The following ARHGEF12 variants were observed in gnomAD, a reference collection of about 807,000 sequenced individuals.
ARHGEF12 encodes KMT2A/ARHGEF12 fusion protein.
In ARHGEF12, 66 loss-of-function variants were observed where a neutral mutation model predicts 211.2. That is an observed-to-expected ratio of 0.31 (90% CI 0.26 to 0.38). ARHGEF12 has a LOEUF of 0.38. Among genes scored for constraint, ARHGEF12 ranks in the 10% least tolerant of loss-of-function variants. The pLI, the probability that ARHGEF12 is intolerant of heterozygous loss-of-function variation, is 1.00. For missense variants in ARHGEF12, 1,429 were observed against 1,869.5 expected (o/e 0.76, Z 4.34); for synonymous variants, 592 against 638.4 (o/e 0.93, Z 1.09).
At chr11:120,351,424 TA>T (rs1942943390) in intron 1 of ARHGEF12, among the ~76,000 whole-genome samples, 1 of 7,052 alleles carries the variant, frequency 1.4e-4, no homozygotes, top group Non-Finnish European at 2.4e-4. Context: ...TATATATATA[TA>T]TATATATATA....
intron 1 of ARHGEF12, among the ~76,000 whole-genome samples, chr11:120,403,021 A>G (rs982527575): frequency 2.0e-5 from 3 of 152,182 alleles, no homozygotes; most frequent in African/African-American, 7.2e-5. Flanking sequence ...GGTAAGTGTT[A>G]TTTAACTACC....
Position 120,475,454 on chromosome 11 carries a change from C to T in ARHGEF12, c.3224C>T (p.Thr1075Met), listed in dbSNP as rs200879076. The stretch of plus-strand genomic sequence containing the variant: ...GCATCTACAGCTGATAGCAAACACA[C>T]GTTTAGCCCTGTCATTAAGTTGAGT... ...ILASTADSKH[T>M]FSPVIKLSTV... Residue 1075 changes from threonine to methionine, a missense_variant, in exon 33 of 41, where the codon ACG becomes ATG. By Grantham distance (81) the Thr-to-Met change is moderately conservative. Transcript: ENST00000397843. 3.1e-6 allele frequency: 5 copies of T among 1,614,128 alleles called. No homozygotes were observed. The highest frequency in any genetic ancestry group is 4.2e-6 in the Non-Finnish European group (5 of 1,180,012).
At chr11:120,472,247 A>T (rs1483383735) in intron 30 of ARHGEF12, among the ~76,000 whole-genome samples, 1 of 145,916 alleles carries the variant, frequency 6.9e-6, no homozygotes, top group Non-Finnish European at 1.6e-5. Flanking sequence ...TCTTGTTTTA[A>T]AAAAGGACAT....
intron 1 of ARHGEF12, among the ~76,000 whole-genome samples, chr11:120,384,302 T>C (rs796241155): frequency 1.7e-4 from 26 of 152,346 alleles, no homozygotes; most frequent in African/African-American, 6.0e-4. Context: ...AACCTTGAGC[T>C]ATAATTTATG....
At chr11:120,480,577 A>T in intron 38 of ARHGEF12, 147 bp downstream of exon 38, 1 of 838,886 alleles carries the variant, frequency 1.2e-6, no homozygotes, top group Non-Finnish European at 1.8e-6. Flanking sequence ...CATTTGATAA[A>T]TACTGAATCT....
At chr11:120,446,195 C>T (rs1382531805) in intron 16 of ARHGEF12, among the ~76,000 whole-genome samples, 2 of 97,888 alleles carry the variant, frequency 2.0e-5, no homozygotes, top group Non-Finnish European at 2.1e-5. Flanking sequence ...AAGACTCCAT[C>T]TCAAATAATA....
chr11:120,452,640 T>G (rs1479245265), intron 22 of ARHGEF12, among the ~76,000 whole-genome samples: 1 of 152,100 alleles, frequency 6.6e-6, no homozygotes, highest in African/African-American at 2.4e-5. Flanking sequence ...ATGATTGATA[T>G]GAGGAGGAAG....
chr11:120,381,906 C>T (rs532786849), intron 1 of ARHGEF12, among the ~76,000 whole-genome samples: 1 of 152,206 alleles, frequency 6.6e-6, no homozygotes, highest in East Asian at 1.9e-4. Context: ...ATGATACAGT[C>T]TTTGGATTTT....
In ARHGEF12 at chr11:120,379,187, T is replaced by C. The variant is rs529118597; in HGVS notation, c.33-26931T>C. 2.6e-5 allele frequency among the ~76,000 whole-genome samples: 4 copies of C among 152,234 alleles called. No homozygotes were observed. The East Asian group carries it at 5.8e-4, about 22-fold the overall frequency. On this transcript the variant is annotated intron_variant, in intron 1 of 40. Transcript: ENST00000397843. Reference sequence around the variant, plus strand: ...CACATGGTTTGTTAAGTTTATGTGTTTTGAGGTTATAAATAGCATTTAAAA... The same window carrying C: ...CACATGGTTTGTTAAGTTTATGTGTCTTGAGGTTATAAATAGCATTTAAAA...
At chr11:120,385,173 C>A (rs1943991883) in intron 1 of ARHGEF12, 6 of 399,662 alleles carry the variant, frequency 1.5e-5, no homozygotes, top group African/African-American at 2.2e-5. Flanking sequence ...TATATATTTT[C>A]CTGAGTGATA....
chr11:120,438,287 T>C (rs1218829704), intron 12 of ARHGEF12, among the ~76,000 whole-genome samples: 3 of 145,672 alleles, frequency 2.1e-5, no homozygotes, highest in Non-Finnish European at 4.5e-5. Context: ...TTGTTTCACC[T>C]AATTTCTTTT....
intron 30 of ARHGEF12, among the ~76,000 whole-genome samples, chr11:120,469,592 C>T (rs1056064095): frequency 2.0e-4 from 31 of 152,184 alleles, no homozygotes; most frequent in Admixed American, 2.0e-3. Context: ...ACACCTCAAG[C>T]TGCTTGTTTG....
chr11:120,465,011 A>T, intron 27 of ARHGEF12: 2 of 536,040 alleles, frequency 3.7e-6, no homozygotes, highest in East Asian at 3.3e-5. Flanking sequence ...CTCAAAAAAA[A>T]GAAAAAAAAA....
chr11:120,417,895 T>C (rs1246876124), intron 4 of ARHGEF12, among the ~76,000 whole-genome samples: 1 of 152,202 alleles, frequency 6.6e-6, no homozygotes, highest in African/African-American at 2.4e-5. Flanking sequence ...GTGTCCTAAT[T>C]ACTTGAAGGA....
At chr11:120,403,368 A>T (rs956287276) in intron 1 of ARHGEF12, among the ~76,000 whole-genome samples, 8 of 152,054 alleles carry the variant, frequency 5.3e-5, no homozygotes, top group Non-Finnish European at 1.2e-4. Flanking sequence ...TTAGCTGGGC[A>T]TGGTGGCACG....
intron 1 of ARHGEF12, among the ~76,000 whole-genome samples, chr11:120,342,350 C>T (rs1942561982): frequency 6.6e-6 from 1 of 152,168 alleles, no homozygotes; most frequent in Admixed American, 6.5e-5. Flanking sequence ...GAAGTTTTTC[C>T]TGATCTTTAC....
chr11:120,484,402 C>T (rs749498199), intron 39 of ARHGEF12, 36 bp from the exon 40 acceptor site: 21 of 1,580,570 alleles, frequency 1.3e-5, no homozygotes, highest in South Asian at 6.7e-5. Flanking sequence ...TGTTTCATTA[C>T]GTTTGAATAA....
chr11:120,477,419 G>GC (rs1555123400), intron 35 of ARHGEF12, 28 bp from the exon 36 acceptor site: 7 of 1,251,582 alleles, frequency 5.6e-6, no homozygotes, highest in Non-Finnish European at 4.4e-6. Context: ...GAAGGTAAAA[G>GC]TTTTTTTTTT....
intron 11 of ARHGEF12, 82 bp from the exon 12 acceptor site, chr11:120,437,225 CA>C: frequency 1.1e-6 from 1 of 897,220 alleles, no homozygotes; most frequent in Admixed American, 2.6e-5. Flanking sequence ...AAATTCAGAA[CA>C]ATTTTTTTTT....
Sources: gnomAD v4.1 joint callset for allele counts (sites outside exome capture counted in the v4.1 genomes callset) on GRCh38, gnomAD v4.1.1 for gene constraint, MANE v1.5 for transcripts, NCBI Gene and HGNC (gene_info 2026-07-23, HGNC 2026-07-21) for gene names.